The following MCF2L2 variants were observed in gnomAD, a reference collection of about 807,000 sequenced individuals.
MCF2L2 encodes MCF.2 cell line derived transforming sequence-like 2, also known as probable guanine nucleotide exchange factor MCF2L2.
A neutral mutation model predicts 150.2 loss-of-function variants in MCF2L2; 102 were observed. The observed-to-expected ratio is 0.68, with a 90% CI of 0.58 to 0.80. MCF2L2 has a LOEUF of 0.80. MCF2L2 is among the 30% of genes least tolerant of loss of function. The probability of loss-of-function intolerance (pLI) is 0.00; values close to 1 mark genes in which losing one functional copy is unlikely to be tolerated. For missense variants in MCF2L2, 1,256 were observed against 1,372.8 expected, an observed-to-expected ratio of 0.91 and a Z score of 1.34; for synonymous variants, 465 against 491.3, an observed-to-expected ratio of 0.95 and a Z score of 0.71.
chr3:183,269,923 A>G, intron 15 of MCF2L2: 2 of 1,614,184 alleles, frequency 1.2e-6, no homozygotes, highest in Admixed American at 3.3e-5. Flanking sequence ...ATTGTGAGCC[A>G]TATGAAGTCA....
chr3:183,336,862 A>AT (rs1279800118), intron 5 of MCF2L2, among the ~76,000 whole-genome samples: 45 of 129,678 alleles, frequency 3.5e-4, no homozygotes, highest in African/African-American at 1.6e-3. Context: ...TCTCAAAAAA[A>AT]AAATATATAT....
intron 6 of MCF2L2, among the ~76,000 whole-genome samples, chr3:183,321,266 T>C (rs1216750922): frequency 2.6e-5 from 4 of 151,930 alleles, no homozygotes; most frequent in Non-Finnish European, 5.9e-5. Context: ...GGTGAAACCT[T>C]GTCTCTACTA....
At chr3:183,415,606 A>G (rs1715548400) in intron 1 of MCF2L2, among the ~76,000 whole-genome samples, 1 of 152,164 alleles carries the variant, frequency 6.6e-6, no homozygotes, top group Admixed American at 6.5e-5. Context: ...GCCTTTTATC[A>G]CTATAAAATA....
At chr3:183,335,758 C>T (rs1051431152) in intron 5 of MCF2L2, among the ~76,000 whole-genome samples, 11 of 152,130 alleles carry the variant, frequency 7.2e-5, no homozygotes, top group African/African-American at 2.7e-4. Flanking sequence ...GTCCCAGCAA[C>T]CTGGCCAGGA....
At chr3:183,277,236 C>T (rs549186334) in intron 14 of MCF2L2, among the ~76,000 whole-genome samples, 28 of 151,542 alleles carry the variant, frequency 1.8e-4, no homozygotes, top group African/African-American at 6.5e-4. Context: ...ACTCTGGAGG[C>T]TGAGGCAGGA....
intron 25 of MCF2L2, among the ~76,000 whole-genome samples, chr3:183,205,614 G>T (rs1404773487): frequency 6.6e-6 from 1 of 152,104 alleles, no homozygotes; most frequent in Non-Finnish European, 1.5e-5. Flanking sequence ...TCAGATTTTT[G>T]ATTAAAGGTG....
chr3:183,203,485 G>A (rs1431855099), intron 25 of MCF2L2, among the ~76,000 whole-genome samples: 1 of 152,126 alleles, frequency 6.6e-6, no homozygotes, highest in Non-Finnish European at 1.5e-5. Context: ...ATCTGAGCAG[G>A]CAGAAGAAAG....
Position 183,309,705 on chromosome 3 carries a change from A to C in MCF2L2, c.1113+11T>G, listed in dbSNP as rs1729272750. On this transcript the variant is annotated intron_variant, in intron 10 of 29. Coordinates refer to ENST00000328913, the MANE Select transcript of MCF2L2 (RefSeq NM_015078.4). ...CTCCCTCCCAGTACACAAAAATGTC[A>C]GAAAGCAAACCTGGCTTTTTTCCTC... The C allele has an allele frequency of 6.2e-7, 1 of 1,613,934 alleles. No individual in the cohort carries two copies.
intron 1 of MCF2L2, among the ~76,000 whole-genome samples, chr3:183,425,190 G>A (rs955015174): frequency 6.7e-5 from 10 of 148,320 alleles, no homozygotes; most frequent in East Asian, 5.8e-4. Flanking sequence ...AAGCTGCGAG[G>A]TGTTTCTGAA....
At chr3:183,253,219 C>A (rs1206459338) in intron 15 of MCF2L2, 4 of 150,678 alleles carry the variant, frequency 2.7e-5, no homozygotes, top group Non-Finnish European at 4.5e-5. Flanking sequence ...CTGGGAGCCT[C>A]GCGCCCCCGC....
chr3:183,411,974 T>C (rs952126969), intron 1 of MCF2L2, among the ~76,000 whole-genome samples: 3 of 152,154 alleles, frequency 2.0e-5, no homozygotes, highest in African/African-American at 7.2e-5. Flanking sequence ...TGTACGTGAA[T>C]TACGTTTTCT....
chr3:183,282,993 T>G (rs1727587581), intron 14 of MCF2L2, among the ~76,000 whole-genome samples: 2 of 152,328 alleles, frequency 1.3e-5, no homozygotes, highest in South Asian at 4.1e-4. Context: ...CCTTTACTTC[T>G]TATGTTCTTC....
intron 2 of MCF2L2, among the ~76,000 whole-genome samples, chr3:183,380,875 T>C (rs1560049350): frequency 6.6e-6 from 1 of 152,190 alleles, no homozygotes; most frequent in South Asian, 2.1e-4. Context: ...AGGTTTAAGA[T>C]AGTTGTAGTT....
chr3:183,349,908 A>C (rs986933401), intron 3 of MCF2L2, among the ~76,000 whole-genome samples: 2 of 151,886 alleles, frequency 1.3e-5, no homozygotes, highest in Non-Finnish European at 2.9e-5. Flanking sequence ...GTAATCATTG[A>C]AGGAAGTTCT....
chr3:183,238,522 T>C (rs1263943156), intron 15 of MCF2L2, among the ~76,000 whole-genome samples: 1 of 151,490 alleles, frequency 6.6e-6, no homozygotes, highest in Non-Finnish European at 1.5e-5. Context: ...CTTGATCTCC[T>C]GACCTCGTGA....
intron 23 of MCF2L2, among the ~76,000 whole-genome samples, chr3:183,206,932 AG>A (rs1722499933): frequency 3.0e-5 from 1 of 33,504 alleles, no homozygotes; most frequent in African/African-American, 8.6e-5. Flanking sequence ...GAAGGAAGGA[AG>A]GAAGGAAGGA....
intron 15 of MCF2L2, among the ~76,000 whole-genome samples, chr3:183,274,545 C>T (rs567685357): frequency 2.9e-4 from 44 of 152,288 alleles, no homozygotes; most frequent in Admixed American, 6.5e-5. Context: ...ATATTTAAAA[C>T]TTGTAAGCAT....
At chr3:183,291,225 T>C (rs1728123932) in intron 13 of MCF2L2, among the ~76,000 whole-genome samples, 1 of 152,180 alleles carries the variant, frequency 6.6e-6, no homozygotes, top group Non-Finnish European at 1.5e-5. Context: ...CGCCTGTCCT[T>C]GACACTGTAA....
chr3:183,424,645 G>T (rs1716069204), intron 1 of MCF2L2, among the ~76,000 whole-genome samples: 1 of 152,178 alleles, frequency 6.6e-6, no homozygotes, highest in Non-Finnish European at 1.5e-5. Flanking sequence ...ACAGGGGAGA[G>T]TATGATGGGC....
Sources: allele counts gnomAD v4.1 joint callset (sites outside exome capture counted in the v4.1 genomes callset), GRCh38; gene constraint gnomAD v4.1.1; transcripts MANE v1.5; gene names NCBI Gene and HGNC (gene_info 2026-07-23, HGNC 2026-07-21).